The following ARHGAP24 variants were observed in gnomAD, a reference collection of about 807,000 sequenced individuals.
ARHGAP24 encodes the protein rho GTPase-activating protein 24.
In ARHGAP24, 50 loss-of-function variants were observed where a neutral mutation model predicts 76.4. The ratio of observed to expected loss-of-function variants is 0.65; its 90% CI spans 0.52 to 0.83. The LOEUF (loss-of-function observed/expected upper bound fraction) is 0.83. Among genes scored for constraint, ARHGAP24 ranks in the 40% least tolerant of loss-of-function variants. The probability of loss-of-function intolerance (pLI) is 0.00; values close to 1 mark genes in which losing one functional copy is unlikely to be tolerated. For missense variants in ARHGAP24, 930 were observed against 914.2 expected, an observed-to-expected ratio of 1.02 and a Z score of -0.22; for synonymous variants, 345 against 323.3, an observed-to-expected ratio of 1.07 and a Z score of -0.72.
At chr4:85,612,606 A>C (rs1027617920) in intron 2 of ARHGAP24, among the ~76,000 whole-genome samples, 2 of 152,016 alleles carry the variant, frequency 1.3e-5, no homozygotes, top group Non-Finnish European at 2.9e-5. Flanking sequence ...TTTAGTTTTA[A>C]TTATGAAATG....
At chr4:85,725,231 A>G (rs757568529) in intron 3 of ARHGAP24, among the ~76,000 whole-genome samples, 1 of 152,244 alleles carries the variant, frequency 6.6e-6, no homozygotes, top group South Asian at 2.1e-4. Flanking sequence ...TTTAGAAACC[A>G]CATCTTTCTT....
At chr4:85,916,956 C>T (rs566747903) in intron 3 of ARHGAP24, among the ~76,000 whole-genome samples, 3 of 152,078 alleles carry the variant, frequency 2.0e-5, no homozygotes, top group East Asian at 1.9e-4. Context: ...TACATGTGCA[C>T]GATGTGCAGG....
intron 1 of ARHGAP24, among the ~76,000 whole-genome samples, chr4:85,531,172 A>G (rs935223500): frequency 6.6e-6 from 1 of 152,092 alleles, no homozygotes; most frequent in Admixed American, 6.6e-5. Context: ...GGTCATGAAT[A>G]TACGACCAAG....
chr4:85,498,598 A>G (rs1456414727), intron 1 of ARHGAP24, among the ~76,000 whole-genome samples: 1 of 152,208 alleles, frequency 6.6e-6, no homozygotes, highest in Non-Finnish European at 1.5e-5. Flanking sequence ...TGAGGAGACC[A>G]CAGGCCCGTG....
chr4:85,737,892 G>T (rs1725662055), intron 3 of ARHGAP24, among the ~76,000 whole-genome samples: 1 of 152,012 alleles, frequency 6.6e-6, no homozygotes, highest in African/African-American at 2.4e-5. Flanking sequence ...GATTATATTA[G>T]TATTAAATTT....
At chr4:85,911,290 C>T (rs937751225) in intron 3 of ARHGAP24, among the ~76,000 whole-genome samples, 10 of 152,146 alleles carry the variant, frequency 6.6e-5, no homozygotes, top group Non-Finnish European at 1.5e-4. Flanking sequence ...TGGCTCCTGC[C>T]GGCTTGTGCA....
chr4:86,000,261 C>A (rs2148876291), intron 9 of ARHGAP24: 3 of 434,680 alleles, frequency 6.9e-6, no homozygotes, highest in East Asian at 9.7e-5. Context: ...GGCCTTGGGA[C>A]CTAATGACTA....
At chr4:85,921,915 C>G (rs575103771) in intron 3 of ARHGAP24, among the ~76,000 whole-genome samples, 24 of 152,080 alleles carry the variant, frequency 1.6e-4, no homozygotes, top group African/African-American at 3.6e-4. Context: ...ACCATCCCCC[C>G]CCACCACCCC....
chr4:85,687,828 T>A (rs576510333), intron 2 of ARHGAP24, among the ~76,000 whole-genome samples: 39 of 152,134 alleles, frequency 2.6e-4, no homozygotes, highest in Admixed American at 7.2e-4. Context: ...CTTTTTTTTT[T>A]AAAACAGAGT....
chr4:85,549,708 A>G (rs1344730218), intron 1 of ARHGAP24, among the ~76,000 whole-genome samples: 2 of 152,148 alleles, frequency 1.3e-5, no homozygotes, highest in East Asian at 3.9e-4. Flanking sequence ...TCACTACCCC[A>G]GGTAATAAGC....
intron 2 of ARHGAP24, among the ~76,000 whole-genome samples, chr4:85,687,316 G>A (rs1371522427): frequency 6.6e-6 from 1 of 151,986 alleles, no homozygotes; most frequent in Non-Finnish European, 1.5e-5. Context: ...ACATGTGCAG[G>A]TTTGCTCCAT....
chr4:85,719,893 G>A (rs1460616704), intron 2 of ARHGAP24, among the ~76,000 whole-genome samples: 1 of 152,110 alleles, frequency 6.6e-6, no homozygotes, highest in Non-Finnish European at 1.5e-5. Flanking sequence ...CTTAAAAATG[G>A]TATAAAATTG....
intron 2 of ARHGAP24, among the ~76,000 whole-genome samples, chr4:85,622,617 T>A (rs1720761725): frequency 6.6e-6 from 1 of 152,160 alleles, no homozygotes; most frequent in Non-Finnish European, 1.5e-5. Flanking sequence ...TACCCAGTAA[T>A]GGGATGGCTG....
rs1740941168 is a variant in ARHGAP24, at chr4:86,000,442, C to T, written c.2004-37C>T. ...AAAATCACTTTATCTCTTACTCTTG[C>T]GTCCCCACCCCCCACCCCCCCCAAC... On this transcript the variant is annotated intron_variant, in intron 9 of 9. Coordinates refer to ENST00000395184, the MANE Select transcript of ARHGAP24 (RefSeq NM_001025616.3). The T allele has an allele frequency of 5.0e-6, 4 of 807,890 alleles. 1 individual carries two copies. Among genetic ancestry groups the T allele is most frequent in the Non-Finnish European group, 7.8e-6 (4 of 515,456 alleles). The allele number at this position is 807,890 out of a possible 1,614,324, so 50.0% of individuals were successfully genotyped here. A position where few individuals can be genotyped will look rare whatever the true frequency, so the allele number is the denominator to read the frequency against.
chr4:85,964,746 AC>A (rs556497796), intron 5 of ARHGAP24, among the ~76,000 whole-genome samples: 54 of 152,244 alleles, frequency 3.5e-4, no homozygotes, highest in African/African-American at 1.3e-3. Context: ...GTTTAGAAGC[AC>A]CAAACTGGGA....
rs1038122375 is a variant in ARHGAP24 at position 85,784,776 on chromosome 4, T to G, written c.268+62804T>G. Among the ~76,000 whole-genome samples, 4 of 152,252 alleles carry G rather than the reference T, an allele frequency of 2.6e-5. No individual in the cohort carries two copies. In the East Asian group the frequency reaches 7.7e-4, roughly 29 times the overall value. On this transcript the variant is annotated intron_variant, in intron 3 of 9. Coordinates refer to ENST00000395184, the MANE Select transcript of ARHGAP24 (RefSeq NM_001025616.3). ...GCAACCATTTCCTTGGCATTTTTCCTTTTTATTTCCATGGCCACATTCTTG... is the reference window on the plus strand; with the variant it reads ...GCAACCATTTCCTTGGCATTTTTCCGTTTTATTTCCATGGCCACATTCTTG...
chr4:85,984,018 A>G lies in ARHGAP24; in HGVS notation c.928+6327A>G, dbSNP rs1452897963. ...AGTAAGCCTGCGAATGCAAAGATGCATAAGGAAAAGTTTTGCCCTACAGGA... is the reference window on the plus strand; with the variant it reads ...AGTAAGCCTGCGAATGCAAAGATGCGTAAGGAAAAGTTTTGCCCTACAGGA... On this transcript the variant is annotated intron_variant, in intron 8 of 9. Coordinates refer to ENST00000395184, the MANE Select transcript of ARHGAP24 (RefSeq NM_001025616.3). Among the ~76,000 whole-genome samples the G allele has an allele frequency of 2.0e-5, 3 of 152,256 alleles. No individual in the cohort carries two copies. The East Asian group carries it at 5.8e-4, about 29-fold the overall frequency.
chr4:85,501,927 A>T (rs1257405143), intron 1 of ARHGAP24, among the ~76,000 whole-genome samples: 2 of 152,104 alleles, frequency 1.3e-5, no homozygotes, highest in Non-Finnish European at 2.9e-5. Context: ...ATCCAGTTTC[A>T]GCTTTCTACA....
At position 85,930,959 on chromosome 4, in the gene ARHGAP24, G is replaced by T. The variant is rs755809169; in HGVS notation, c.391+7189G>T. 6 of 1,613,590 alleles carry T rather than the reference G, an allele frequency of 3.7e-6. No individual in the cohort carries two copies. The South Asian group carries it at 6.6e-5, about 18-fold the overall frequency. Reference sequence around the variant, plus strand: ...CCTGAAGACCGGAATTCTGGGGGGTGCCCGGCTGGTGCCTTAGCCTCAACT... The same window carrying T: ...CCTGAAGACCGGAATTCTGGGGGGTTCCCGGCTGGTGCCTTAGCCTCAACT... On this transcript the variant is annotated intron_variant, in intron 4 of 9. Coordinates refer to ENST00000395184, the MANE Select transcript of ARHGAP24 (RefSeq NM_001025616.3).
Sources: allele counts gnomAD v4.1 joint callset (sites outside exome capture counted in the v4.1 genomes callset), GRCh38; gene constraint gnomAD v4.1.1; transcripts MANE v1.5; gene names NCBI Gene and HGNC (gene_info 2026-07-23, HGNC 2026-07-21).